The following GLRA2 variants were observed in gnomAD, a reference collection of about 807,000 sequenced individuals.
GLRA2 encodes glycine receptor subunit alpha-2.
GLRA2 carries 11 observed loss-of-function variants against 31.6 expected under a neutral mutation model. That is an observed-to-expected ratio of 0.35 (90% CI 0.22 to 0.58). GLRA2 has a LOEUF of 0.58. Among genes scored for constraint, GLRA2 ranks in the 20% least tolerant of loss-of-function variants. The pLI is 0.84. For missense variants in GLRA2, 212 were observed against 351.8 expected, an observed-to-expected ratio of 0.60 and a Z score of 3.18; for synonymous variants, 132 against 134.0, an observed-to-expected ratio of 0.99 and a Z score of 0.10.
upstream of GLRA2, among the ~76,000 whole-genome samples, chrX:14,525,572 TTA>T (rs1356857297): frequency 8.9e-6 from 1 of 111,764 alleles, no homozygotes; most frequent in African/African-American, 3.2e-5. Flanking sequence ...ATGTAACACT[TTA>T]TGTTATATAA....
chrX:14,492,113 C>T, the GLRA2 span, among the ~76,000 whole-genome samples: 1 of 110,228 alleles, frequency 9.1e-6, no homozygotes, highest in Non-Finnish European at 1.9e-5. Flanking sequence ...TGAGTGAACT[C>T]ATCCATCCCC....
chrX:14,654,439 C>T (rs2090920767), intron 7 of GLRA2, among the ~76,000 whole-genome samples: 1 of 111,950 alleles, frequency 8.9e-6, no homozygotes. Context: ...ATTGCTATTG[C>T]ACACTTATTA....
chrX:14,474,264 C>G, the GLRA2 span, among the ~76,000 whole-genome samples: 1 of 111,525 alleles, frequency 9.0e-6, no homozygotes, highest in East Asian at 2.8e-4. Context: ...TAATCAAAAT[C>G]CAACCACTCT....
the GLRA2 span, among the ~76,000 whole-genome samples, chrX:14,452,928 G>T: frequency 8.9e-6 from 1 of 111,913 alleles, no homozygotes; most frequent in East Asian, 2.8e-4. Context: ...TTCTGCCTGA[G>T]ACTAGCACCT....
At chrX:14,493,651 A>C in the GLRA2 span, among the ~76,000 whole-genome samples, 1 of 101,278 alleles carries the variant, frequency 9.9e-6, no homozygotes, top group Non-Finnish European at 2.0e-5. Flanking sequence ...ATATATATAC[A>C]TATGTACACA....
chrX:14,480,230 G>C, the GLRA2 span, among the ~76,000 whole-genome samples: 1 of 111,577 alleles, frequency 9.0e-6, no homozygotes, highest in Non-Finnish European at 1.9e-5. Context: ...TGTTTATTCA[G>C]TTGTTTAAGC....
chrX:14,532,412 C>G, intron 2 of GLRA2, 40 bp downstream of exon 2: 1 of 976,607 alleles, frequency 1.0e-6, no homozygotes, highest in Non-Finnish European at 1.4e-6. Context: ...TTTGAGAAAT[C>G]TTCTAGATGT....
chrX:14,491,057 T>G, the GLRA2 span, among the ~76,000 whole-genome samples: 1 of 111,995 alleles, frequency 8.9e-6, no homozygotes, highest in Non-Finnish European at 1.9e-5. Context: ...ACTGAGATTA[T>G]AGTCAGAATT....
chrX:14,471,447 G>A, the GLRA2 span, among the ~76,000 whole-genome samples: 2 of 111,474 alleles, frequency 1.8e-5, no homozygotes, highest in Admixed American at 9.5e-5. Context: ...TTGACTCAAG[G>A]GATCTATGCT....
In GLRA2 at chrX:14,641,726, C is replaced by A. The variant is rs763369116; in HGVS notation, c.930+32521C>A. 2.7e-5 allele frequency among the ~76,000 whole-genome samples: 3 copies of A among 111,785 alleles called. No individual in the cohort carries two copies. The South Asian group carries it at 1.1e-3, about 42-fold the overall frequency. On this transcript the variant is annotated intron_variant, in intron 7 of 8. Coordinates refer to ENST00000218075, the MANE Select transcript of GLRA2 (RefSeq NM_002063.4). The stretch of plus-strand genomic sequence containing the variant: ...TAAGGTTAGAACATTATCCAACACA[C>A]TGGGGAAACATTCACGTGTTGATCT...
Position 14,663,516 on chromosome X carries a change from TAC to T in GLRA2, c.931-27170_931-27169del, listed in dbSNP as rs751970033. Among the ~76,000 whole-genome samples the T allele has an allele frequency of 8.0e-4, 83 of 103,806 alleles. 1 individual carries two copies. Among genetic ancestry groups the T allele is most frequent in the African/African-American group, 1.2e-3 (35 of 28,820 alleles). The allele number at this position is 103,806 out of a possible 115,157, so 90.1% of individuals were successfully genotyped here. On this transcript the variant is annotated intron_variant, in intron 7 of 8. Transcript: ENST00000218075. ...TCATGCCAAAATTACTAGAAAAGATTACACACACACACACACACACACACAAA... is the reference window on the plus strand; with the variant it reads ...TCATGCCAAAATTACTAGAAAAGATTACACACACACACACACACACACAAA...
intron 2 of GLRA2, among the ~76,000 whole-genome samples, chrX:14,554,271 ACCT>A (rs2089610385): frequency 9.0e-6 from 1 of 111,241 alleles, no homozygotes; most frequent in Non-Finnish European, 1.9e-5. Context: ...CTATTTTTAG[ACCT>A]CTTGCTGACA....
intron 4 of GLRA2, among the ~76,000 whole-genome samples, chrX:14,587,776 G>C (rs2090096277): frequency 8.9e-6 from 1 of 111,913 alleles, no homozygotes; most frequent in African/African-American, 3.2e-5. Context: ...TTGCTGTGAA[G>C]AAGCTCTTTG....
intron 8 of GLRA2, among the ~76,000 whole-genome samples, chrX:14,709,368 C>T (rs1401073737): frequency 8.9e-6 from 1 of 112,054 alleles, no homozygotes; most frequent in African/African-American, 3.2e-5. Flanking sequence ...GCATTATTTT[C>T]CCATAGTGAC....
At chrX:14,506,516 A>C in the GLRA2 span, among the ~76,000 whole-genome samples, 1 of 111,719 alleles carries the variant, frequency 9.0e-6, no homozygotes, top group Non-Finnish European at 1.9e-5. Flanking sequence ...AGGGGACTGA[A>C]CATGCCACAC....
the GLRA2 span, among the ~76,000 whole-genome samples, chrX:14,490,484 T>C: frequency 8.9e-6 from 1 of 112,463 alleles, no homozygotes; most frequent in African/African-American, 3.2e-5. Context: ...ATCTTTTCCT[T>C]AAAGTTGGAA....
intron 8 of GLRA2, among the ~76,000 whole-genome samples, chrX:14,704,322 T>C (rs1601862606): frequency 1.8e-5 from 2 of 112,666 alleles, no homozygotes; most frequent in African/African-American, 6.4e-5. Flanking sequence ...TTGAACCTTC[T>C]TCTTTCACTA....
chrX:14,665,284 A>T (rs949710201), intron 7 of GLRA2, among the ~76,000 whole-genome samples: 3 of 111,980 alleles, frequency 2.7e-5, no homozygotes, highest in African/African-American at 9.7e-5. Context: ...ACATCTTCTG[A>T]ATAGCTCTTC....
chrX:14,546,775 G>A (rs1463943126), intron 2 of GLRA2, among the ~76,000 whole-genome samples: 1 of 111,354 alleles, frequency 9.0e-6, no homozygotes, highest in Non-Finnish European at 1.9e-5. Context: ...AGAGTGGATT[G>A]ACATGTGAAG....
Sources: gnomAD v4.1 joint callset for allele counts (sites outside exome capture counted in the v4.1 genomes callset) on GRCh38, gnomAD v4.1.1 for gene constraint, MANE v1.5 for transcripts, NCBI Gene and HGNC (gene_info 2026-07-23, HGNC 2026-07-21) for gene names.